NDUFAF6: variants seen among roughly 807,000 people sequenced by gnomAD.
The protein encoded by NDUFAF6 is NADH dehydrogenase (ubiquinone) complex I, assembly factor 6.
NDUFAF6 carries 45 observed loss-of-function variants against 40.8 expected under a neutral mutation model. The observed-to-expected ratio is 1.10, with a 90% CI of 0.87 to 1.42. NDUFAF6 has a LOEUF of 1.42. NDUFAF6 is among the 40% of genes most tolerant of loss of function. The probability of loss-of-function intolerance (pLI) is 0.00; values close to 1 mark genes in which losing one functional copy is unlikely to be tolerated. For missense variants in NDUFAF6, 435 were observed against 418.5 expected (o/e 1.04, Z -0.34); for synonymous variants, 185 against 155.9 (o/e 1.19, Z -1.39).
intron 1 of NDUFAF6, among the ~76,000 whole-genome samples, chr8:94,980,659 C>T (rs1825369639): frequency 6.6e-6 from 1 of 151,408 alleles, no homozygotes; most frequent in Admixed American, 6.6e-5. Flanking sequence ...CCATGTTGGC[C>T]AGACTGGTCT....
chr8:94,991,312 G>A (rs574014814), intron 2 of NDUFAF6, among the ~76,000 whole-genome samples: 1 of 152,310 alleles, frequency 6.6e-6, no homozygotes, highest in African/African-American at 2.4e-5. Context: ...TGCCTCTGAT[G>A]TTATTTATTT....
chr8:94,940,371 CTTCT>C, intron 1 of NDUFAF6: 1 of 895,646 alleles, frequency 1.1e-6, no homozygotes, highest in South Asian at 1.8e-5. Flanking sequence ...GCTCACGTAT[CTTCT>C]TTTATTTAGT....
chr8:95,008,663 C>A (rs1023488977), intron 2 of NDUFAF6, among the ~76,000 whole-genome samples: 1 of 152,042 alleles, frequency 6.6e-6, no homozygotes, highest in African/African-American at 2.4e-5. Context: ...CGTGCCACTA[C>A]GCCCGGGTAA....
intron 1 of NDUFAF6, chr8:94,941,037 A>G: frequency 1.2e-6 from 1 of 844,398 alleles, no homozygotes; most frequent in Non-Finnish European, 1.9e-6. Context: ...ACAGGAGATT[A>G]AAGTGCACAG....
chr8:95,061,547 A>C (rs1832571449), downstream of NDUFAF6, among the ~76,000 whole-genome samples: 1 of 152,178 alleles, frequency 6.6e-6, no homozygotes, highest in African/African-American at 2.4e-5. Flanking sequence ...TTGACACTTC[A>C]TTTTACCTAC....
chr8:95,078,662 A>AAAAATATATATATATATATATATAT (rs545018367), downstream of NDUFAF6: 5 of 121,034 alleles, frequency 4.1e-5, no homozygotes, highest in African/African-American at 9.8e-5. Context: ...AAAAAAAAAA[A>AAAAATATATATATATATATATATAT]ATATATATAT....
Position 95,058,662 on chromosome 8 carries a change from A to G in NDUFAF6, c.*725A>G. 1 of 1,065,114 alleles carries G rather than the reference A, an allele frequency of 9.4e-7. No individual in the cohort carries two copies. The highest frequency in any genetic ancestry group is 1.1e-6 in the Non-Finnish European group (1 of 882,892). 66.0% of individuals were successfully genotyped at this position (1,065,114 alleles called of 1,614,324 possible). On this transcript the variant is annotated 3_prime_UTR_variant, in exon 9 of 9. Transcript: ENST00000396124. ...TGTACTGAGAAAGTTTGTATAAGTG[A>G]TATGAACGGTATTGTATTGAACATC...
intron 1 of NDUFAF6, among the ~76,000 whole-genome samples, chr8:94,972,533 C>G (rs532794958): frequency 2.6e-5 from 4 of 152,230 alleles, no homozygotes; most frequent in African/African-American, 9.6e-5. Flanking sequence ...GCCACCACAC[C>G]CAGCCACAAT....
intron 1 of NDUFAF6, chr8:94,929,475 GAA>G (rs1820188194): frequency 6.6e-6 from 1 of 151,506 alleles, no homozygotes; most frequent in Non-Finnish European, 1.5e-5. Context: ...CAGATGCCAT[GAA>G]AGACATCATC....
intron 2 of NDUFAF6, among the ~76,000 whole-genome samples, chr8:94,952,050 G>A (rs1822668710): frequency 6.6e-6 from 1 of 152,228 alleles, no homozygotes; most frequent in Non-Finnish European, 1.5e-5. Context: ...CTTCCAGGCT[G>A]ACCCCCTGCT....
At chr8:95,046,493 C>A (rs1830782724) in intron 5 of NDUFAF6, among the ~76,000 whole-genome samples, 1 of 152,108 alleles carries the variant, frequency 6.6e-6, no homozygotes, top group South Asian at 2.1e-4. Flanking sequence ...AGGACAATAC[C>A]ATCTCATTTG....
chr8:94,974,429 TC>T (rs1162380991), intron 1 of NDUFAF6: 1 of 152,100 alleles, frequency 6.6e-6, no homozygotes, highest in African/African-American at 2.4e-5. Context: ...AGCTCCATTT[TC>T]CAATCTCTTC....
intron 1 of NDUFAF6, among the ~76,000 whole-genome samples, chr8:94,977,837 T>G (rs148736771): frequency 1.9e-3 from 289 of 152,232 alleles, no homozygotes; most frequent in Non-Finnish European, 3.2e-3. Context: ...AGGGAATATC[T>G]GTTCTGGGGA....
upstream of NDUFAF6, chr8:95,024,971 C>A: frequency 1.5e-6 from 2 of 1,291,850 alleles, no homozygotes; most frequent in Non-Finnish European, 2.0e-6. Context: ...AGCTGCGCGC[C>A]GACGGCGGGG....
rs60473555 is a variant in NDUFAF6 at position 94,940,445 on chromosome 8, CTGTGTGTG to C, written c.-935-5020_-935-5013del. 1.7e-4 allele frequency among the ~76,000 whole-genome samples: 25 copies of C among 150,166 alleles called. No homozygotes were observed. The South Asian group carries it at 2.7e-3, about 16-fold the overall frequency. On this transcript the variant is annotated intron_variant, in intron 1 of 14. Transcript: ENST00000396113. ...AAATTTATTTCTGAGCACAGAAATT[CTGTGTGTG>C]TGTGTGTGTGTGTGTGTCACTATAT...
Position 95,065,236 on chromosome 8 carries a change from A to G in NDUFAF6, c.*512-10397A>G, listed in dbSNP as rs547852529. On this transcript the variant is annotated intron_variant and NMD_transcript_variant, in intron 9 of 9. Coordinates refer to the NDUFAF6 transcript ENST00000520757. ...AAGCACAGGTAAAACAACCTTGGGC[A>G]TGCAATTGGTATGGGAAATAGGGAG... Among the ~76,000 whole-genome samples the G allele has an allele frequency of 1.1e-4, 16 of 152,362 alleles. 1 individual carries two copies. In the South Asian group the frequency reaches 3.3e-3, roughly 32 times the overall value.
At chr8:94,955,571 C>T (rs1254892911), upstream of NDUFAF6, among the ~76,000 whole-genome samples, 1 of 152,192 alleles carries the variant, frequency 6.6e-6, no homozygotes, top group Non-Finnish European at 1.5e-5. Flanking sequence ...TATTTTGTCT[C>T]TAATCACCAT....
At chr8:94,959,257 C>G (rs1284671389) in intron 1 of NDUFAF6, among the ~76,000 whole-genome samples, 1 of 152,152 alleles carries the variant, frequency 6.6e-6, no homozygotes, top group African/African-American at 2.4e-5. Context: ...TCTTTGAGAG[C>G]AGCAGTAACC....
In NDUFAF6 at chr8:94,933,487, G is replaced by A. The variant is rs934009287; in HGVS notation, c.-935-11996G>A. Among the ~76,000 whole-genome samples, 5 of 152,110 alleles carry A rather than the reference G, an allele frequency of 3.3e-5. No individual in the cohort carries two copies. The South Asian group carries it at 8.3e-4, about 25-fold the overall frequency. On this transcript the variant is annotated intron_variant, in intron 1 of 14. Coordinates refer to the NDUFAF6 transcript ENST00000396113. ...GTTTATAAAATAGTATATCTGGGCC[G>A]GGCACAGTGGCTCATACCTGTAATC... is the stretch of plus-strand genomic sequence containing the variant.
Sources: allele counts gnomAD v4.1 joint callset (sites outside exome capture counted in the v4.1 genomes callset), GRCh38; gene constraint gnomAD v4.1.1; transcripts MANE v1.5; gene names NCBI Gene and HGNC (gene_info 2026-07-23, HGNC 2026-07-21).